The following RBMS3 variants were observed in gnomAD, a reference collection of about 807,000 sequenced individuals.
RBMS3 encodes the protein RNA-binding motif, single-stranded-interacting protein 3.
In RBMS3, 27 loss-of-function variants were observed where a neutral mutation model predicts 66.8. The observed-to-expected ratio is 0.40, with a 90% confidence interval of 0.30 to 0.56. The LOEUF is 0.56. RBMS3 is among the 20% of genes least tolerant of loss of function. The pLI is 0.40. For missense variants in RBMS3, 513 were observed against 549.5 expected (o/e 0.93, Z 0.66); for synonymous variants, 188 against 183.0 (o/e 1.03, Z -0.22).
At chr3:29,917,595 T>C (rs1226064290) in intron 10 of RBMS3, among the ~76,000 whole-genome samples, 1 of 152,022 alleles carries the variant, frequency 6.6e-6, no homozygotes, top group Non-Finnish European at 1.5e-5. Context: ...TTCATGGGAC[T>C]CTAATCTCAT....
At chr3:29,995,143 C>T (rs1013845520) in intron 14 of RBMS3, among the ~76,000 whole-genome samples, 14 of 152,116 alleles carry the variant, frequency 9.2e-5, no homozygotes, top group African/African-American at 1.4e-4. Context: ...CCTCAGGAGC[C>T]GATGCGATCA....
intron 6 of RBMS3, among the ~76,000 whole-genome samples, chr3:29,841,341 C>T (rs1018805859): frequency 6.6e-6 from 1 of 151,930 alleles, no homozygotes; most frequent in African/African-American, 2.4e-5. Flanking sequence ...TAGTAATGTA[C>T]ACATTTCATA....
chr3:29,674,333 A>T (rs536473150), intron 4 of RBMS3, among the ~76,000 whole-genome samples: 42 of 152,332 alleles, frequency 2.8e-4, no homozygotes, highest in African/African-American at 9.9e-4. Context: ...ATTCCCTTTG[A>T]AAACTGGCAC....
chr3:29,671,713 C>T (rs1036458914), intron 4 of RBMS3, among the ~76,000 whole-genome samples: 12 of 152,018 alleles, frequency 7.9e-5, no homozygotes, highest in Admixed American at 2.6e-4. Flanking sequence ...TGAAATGAAG[C>T]GAGAAGAGAA....
At chr3:29,986,712 G>C (rs753475283) in intron 12 of RBMS3, among the ~76,000 whole-genome samples, 1 of 152,198 alleles carries the variant, frequency 6.6e-6, no homozygotes, top group Admixed American at 6.5e-5. Context: ...GGAGGCTGAG[G>C]CAGGTGGATC....
intron 1 of RBMS3, among the ~76,000 whole-genome samples, chr3:29,375,969 T>A (rs2038441874): frequency 6.6e-6 from 1 of 151,860 alleles, no homozygotes; most frequent in East Asian, 1.9e-4. Flanking sequence ...CAATGATGGA[T>A]TAAATAAAGA....
intron 12 of RBMS3, among the ~76,000 whole-genome samples, chr3:29,959,266 A>G (rs1309535320): frequency 4.6e-5 from 7 of 152,122 alleles, no homozygotes; most frequent in African/African-American, 1.7e-4. Flanking sequence ...AATCTTTCCC[A>G]CATCACAGGA....
chr3:29,836,540 C>T (rs1227851817), intron 6 of RBMS3, among the ~76,000 whole-genome samples: 1 of 151,734 alleles, frequency 6.6e-6, no homozygotes, highest in African/African-American at 2.4e-5. Flanking sequence ...AGGATCGTTA[C>T]CAGGGGTATA....
chr3:29,540,071 C>T (rs572672401), intron 3 of RBMS3, among the ~76,000 whole-genome samples: 42 of 152,218 alleles, frequency 2.8e-4, no homozygotes, highest in African/African-American at 9.9e-4. Flanking sequence ...TTAAAACAAC[C>T]CCTAAAGCAT....
At chr3:29,729,387 T>C (rs1394905026) in intron 4 of RBMS3, among the ~76,000 whole-genome samples, 1 of 152,162 alleles carries the variant, frequency 6.6e-6, no homozygotes, top group Non-Finnish European at 1.5e-5. Flanking sequence ...CTGTCTATCA[T>C]TGATGGACAT....
intron 3 of RBMS3, among the ~76,000 whole-genome samples, chr3:29,516,342 T>C (rs1420661513): frequency 6.6e-6 from 1 of 152,214 alleles, no homozygotes; most frequent in South Asian, 2.1e-4. Context: ...GAGATGACGA[T>C]CTGAGTGTCA....
chr3:29,846,813 T>C (rs1360312169), intron 6 of RBMS3, among the ~76,000 whole-genome samples: 1 of 152,074 alleles, frequency 6.6e-6, no homozygotes, highest in African/African-American at 2.4e-5. Flanking sequence ...CCCAAATGAA[T>C]TGATTAGCCA....
At chr3:30,002,740 G>A (rs903625840) in intron 14 of RBMS3, among the ~76,000 whole-genome samples, 9 of 151,894 alleles carry the variant, frequency 5.9e-5, no homozygotes, top group Non-Finnish European at 1.0e-4. Context: ...CCTAATTGCC[G>A]TAGCTGGCTC....
chr3:29,744,331 A>G lies in RBMS3; in HGVS notation c.557+4454A>G, dbSNP rs371220191. On this transcript the variant is annotated intron_variant, in intron 5 of 14. Coordinates refer to ENST00000383767, the MANE Select transcript of RBMS3 (RefSeq NM_001003793.3). ...ACTTTAAGGTTTTGGGTTTTTTTAA[A>G]TATAGCAATATGCAGAAAGACATTT... Among the ~76,000 whole-genome samples, 46 of 152,268 alleles carry G rather than the reference A, an allele frequency of 3.0e-4. No individual in the cohort carries two copies. In the South Asian group the frequency reaches 9.1e-3, roughly 30 times the overall value.
chr3:29,776,995 G>C (rs1256976313), intron 6 of RBMS3, among the ~76,000 whole-genome samples: 1 of 151,772 alleles, frequency 6.6e-6, no homozygotes, highest in Non-Finnish European at 1.5e-5. Context: ...TTTATTATGG[G>C]ACCATGGCAG....
chr3:29,679,875 C>T (rs1344225357), intron 4 of RBMS3, among the ~76,000 whole-genome samples: 1 of 151,772 alleles, frequency 6.6e-6, no homozygotes, highest in East Asian at 1.9e-4. Context: ...GATCTTAATT[C>T]TGCTTGTTTA....
intron 3 of RBMS3, among the ~76,000 whole-genome samples, chr3:29,499,340 A>G (rs1335404244): frequency 2.0e-5 from 3 of 152,156 alleles, no homozygotes; most frequent in Non-Finnish European, 4.4e-5. Flanking sequence ...TAAAGAAAAG[A>G]GAACTCTGGG....
At chr3:29,293,462 A>G (rs1401127358) in intron 1 of RBMS3, among the ~76,000 whole-genome samples, 1 of 151,786 alleles carries the variant, frequency 6.6e-6, no homozygotes, top group African/African-American at 2.4e-5. Context: ...AGTCATGCTT[A>G]CTTACTCTGG....
At chr3:29,789,426 A>G (rs2056929979) in intron 6 of RBMS3, among the ~76,000 whole-genome samples, 1 of 152,102 alleles carries the variant, frequency 6.6e-6, no homozygotes, top group South Asian at 2.1e-4. Context: ...ACTTTAATTT[A>G]AATTTTTAAA....
Sources: allele counts gnomAD v4.1 joint callset (sites outside exome capture counted in the v4.1 genomes callset), GRCh38; gene constraint gnomAD v4.1.1; transcripts MANE v1.5; gene names NCBI Gene and HGNC (gene_info 2026-07-23, HGNC 2026-07-21).